CPLANE1: variants seen among roughly 807,000 people sequenced by gnomAD.
The protein encoded by CPLANE1 is ciliogenesis and planar polarity effector complex subunit 1.
CPLANE1 carries 263 observed loss-of-function variants against 362.5 expected under a neutral mutation model. The observed-to-expected ratio is 0.73, with a 90% CI of 0.66 to 0.80. CPLANE1 has a LOEUF of 0.80. Among genes scored for constraint, CPLANE1 ranks in the 30% least tolerant of loss-of-function variants. CPLANE1 has a pLI of 0.00. For synonymous variants in CPLANE1, 1,212 were observed against 1,302.6 expected, an observed-to-expected ratio of 0.93 and a Z score of 1.50; for missense variants, 3,461 against 3,793.4, an observed-to-expected ratio of 0.91 and a Z score of 2.30.
chr5:37,210,443 C>T (rs1333328533), intron 16 of CPLANE1: 2 of 1,041,666 alleles, frequency 1.9e-6, no homozygotes, highest in Non-Finnish European at 3.0e-6. Context: ...TAAAGGACGA[C>T]TACATCATTA....
chr5:37,107,939 C>T (rs1245496101), intron 52 of CPLANE1, among the ~76,000 whole-genome samples, 161 bp from the exon 53 acceptor site: 1 of 152,180 alleles, frequency 6.6e-6, no homozygotes, highest in Admixed American at 6.5e-5. Context: ...GCTGTGATTG[C>T]CCAGCACATC....
rs2151097309 is a variant in CPLANE1 at position 37,179,996 on chromosome 5, AG to A, written c.5737+20del. 6 of 1,501,300 alleles carry A rather than the reference AG, an allele frequency of 4.0e-6. No individual in the cohort carries two copies. The highest frequency in any genetic ancestry group is 5.3e-6 in the Non-Finnish European group (6 of 1,125,256). The allele number at this position is 1,501,300 out of a possible 1,614,324, so 93.0% of individuals were successfully genotyped here. Reference sequence around the variant, plus strand: ...TTCAAATTAATAAAGCCAAAAAAATAGATTATCTAAATGAACTGACCTTCAT... The same window carrying A: ...TTCAAATTAATAAAGCCAAAAAAATAATTATCTAAATGAACTGACCTTCAT... On this transcript the variant is annotated intron_variant, in intron 28 of 52. Coordinates refer to ENST00000651892, the MANE Select transcript of CPLANE1 (RefSeq NM_001384732.1).
Position 37,138,813 on chromosome 5 carries a change from G to A in CPLANE1, c.8699C>T (p.Thr2900Ile), listed in dbSNP as rs1025710972. ...SVHPLQMTGL[T>I]DIADIIDDLI... The stretch of plus-strand genomic sequence containing the variant: ...GTCATCAATAATGTCTGCAATATCA[G>A]TCAATCCAGTCATCTGGAGCGGATG... Residue 2900 changes from threonine (T) to isoleucine (I), a missense_variant, in exon 46 of 53, where the codon ACT becomes ATT. Thr to Ile is a moderately conservative substitution (Grantham distance 89, BLOSUM62 -1). Transcript: ENST00000651892. 2.5e-6 allele frequency: 4 copies of A among 1,611,460 alleles called. No individual in the cohort carries two copies. The highest frequency in any genetic ancestry group is 3.4e-6 in the Non-Finnish European group (4 of 1,179,186).
intron 51 of CPLANE1, 85 bp from the exon 52 acceptor site, chr5:37,108,556 A>C: frequency 8.0e-7 from 1 of 1,245,900 alleles, no homozygotes; most frequent in South Asian, 1.4e-5. Context: ...TTTATCATCA[A>C]AGCCAAGGTA....
Position 37,227,061 on chromosome 5 carries a change from CT to C in CPLANE1, c.1533del (p.Glu512LysfsTer28). The C allele has an allele frequency of 1.3e-6, 2 of 1,543,594 alleles. No homozygotes were observed. The highest frequency in any genetic ancestry group is 1.7e-6 in the Non-Finnish European group (2 of 1,143,744). ...AAGTGTCTGCCTTCGTTAGTTTCTT[CT>C]GCTTCAAAATCCTAAAACATGAGGG... is the stretch of plus-strand genomic sequence containing the variant. The part of the protein sequence containing the change: ...ENAADFQDFE[A>X]EETNEGRHFP... On this transcript the variant is annotated frameshift_variant, in exon 12 of 53. Transcript: ENST00000651892.
At position 37,157,743 on chromosome 5, in the gene CPLANE1, T is replaced by A. The variant is rs1236256359; in HGVS notation, c.7938A>T (p.Pro2646=). The A allele has an allele frequency of 9.3e-6, 15 of 1,613,750 alleles. No homozygotes were observed. Among genetic ancestry groups the A allele is most frequent in the Admixed American group, 1.7e-5 (1 of 59,976 alleles). Residue 2646 remains proline (P), a synonymous_variant, in exon 40 of 53, where the codon CCA becomes CCT. Coordinates refer to ENST00000651892, the MANE Select transcript of CPLANE1 (RefSeq NM_001384732.1). ...CCATATAATGTAACTCTGCAGACGA[T>A]GGAACTGCTAGATGATCGCTTTGCT... ...IKQQSDHLAV[P]SSAELHYMAA...
chr5:37,165,792 T>C, intron 35 of CPLANE1, 121 bp from the exon 36 acceptor site: 1 of 875,544 alleles, frequency 1.1e-6, no homozygotes, highest in South Asian at 1.8e-5. Flanking sequence ...TTCAATAGCA[T>C]TTAATTAAAT....
rs565577354 is a variant in CPLANE1 at position 37,211,339 on chromosome 5, A to C, written c.2920+2220T>G. ...AGTTACCATCGGAGAGACATTAAAA[A>C]CTCTGCCAAAGGCCCACTACCAGCA... On this transcript the variant is annotated intron_variant, in intron 16 of 52. Coordinates refer to ENST00000651892, the MANE Select transcript of CPLANE1 (RefSeq NM_001384732.1). 2.9e-4 allele frequency: 432 copies of C among 1,505,936 alleles called. 3 individuals carry two copies. The African/African-American group carries it at 5.4e-3, about 19-fold the overall frequency. The allele number at this position is 1,505,936 out of a possible 1,614,324, so 93.3% of individuals were successfully genotyped here.
Position 37,168,811 on chromosome 5 carries a change from G to A in CPLANE1, c.7213C>T (p.His2405Tyr), listed in dbSNP as rs769932850. 1 of 1,613,034 alleles carries A rather than the reference G, an allele frequency of 6.2e-7. No homozygotes were observed. The highest frequency in any genetic ancestry group is 8.5e-7 in the Non-Finnish European group (1 of 1,179,424). ...KYPRLSLLHS[H>Y]LSPENRCKKT... Reference sequence around the variant, plus strand: ...ATTACCCTATTTTCTGGGGACAAATGTGAATGAAGTAATGACAATCTTGGG... The same window carrying A: ...ATTACCCTATTTTCTGGGGACAAATATGAATGAAGTAATGACAATCTTGGG... The change falls in exon 34 of 53, where the codon CAT becomes TAT. Residue 2405 changes from histidine (H) to tyrosine (Y), a missense_variant. Physicochemically the swap from His to Tyr is moderately conservative, Grantham distance 83. Around this residue, in one of 2 missense-constraint regions of CPLANE1, gnomAD observed 3,380 missense variants for 3,666.1 expected, o/e 0.92. Transcript: ENST00000651892.
intron 14 of CPLANE1, among the ~76,000 whole-genome samples, chr5:37,223,488 A>C (rs951384985): frequency 6.6e-6 from 1 of 152,256 alleles, no homozygotes; most frequent in African/African-American, 2.4e-5. Context: ...AAGTAAATGA[A>C]TTAATGAAAT....
rs763974450 is a variant in CPLANE1 at position 37,170,257 on chromosome 5, T to G, written c.6246A>C (p.Gln2082His). ...GCACAGACTGAGACTGCTGTACAAG[T>G]TGTTGTGTATCTGGGAGATTAGCAA... The part of the protein sequence containing the change: ...SSFANLPDTQ[Q>H]LVQQSQSVHL... The change falls in exon 33 of 53, where the codon CAA (glutamine) becomes CAC (histidine). Residue 2082 changes from glutamine to histidine, a missense_variant. This residue lies in a region of CPLANE1 where 3,380 missense variants were observed against 3,666.1 expected (regional missense o/e 0.92). Coordinates refer to ENST00000651892, the MANE Select transcript of CPLANE1 (RefSeq NM_001384732.1). The G allele has an allele frequency of 3.1e-6, 5 of 1,614,016 alleles. No individual in the cohort carries two copies. The African/African-American group carries it at 6.7e-5, about 22-fold the overall frequency.
At position 37,245,725 on chromosome 5, in the gene CPLANE1, T is replaced by A. The variant is rs1002297986; in HGVS notation, c.202A>T (p.Thr68Ser). The A allele has an allele frequency of 1.3e-6, 2 of 1,524,142 alleles. No individual in the cohort carries two copies. The highest frequency in any genetic ancestry group is 1.8e-6 in the Non-Finnish European group (2 of 1,138,084). The allele number at this position is 1,524,142 out of a possible 1,614,324, so 94.4% of individuals were successfully genotyped here. Reference protein sequence around the residue: ...QPFLKDVIVLTTSSNDAWLAG... With the variant: ...QPFLKDVIVLSTSSNDAWLAG... ...ACTACTTAACCATTACTGGATGTTG[T>A]TAGGACAATAACATCCTTCAAGAAA... The change falls in exon 3 of 53, where the codon ACA becomes TCA. Residue 68 changes from threonine to serine, a missense_variant. Transcript: ENST00000651892.
intron 46 of CPLANE1, among the ~76,000 whole-genome samples, chr5:37,131,506 C>T (rs1765774348): frequency 6.6e-6 from 1 of 151,580 alleles, no homozygotes; most frequent in Admixed American, 6.6e-5. Context: ...AGAGCAGAAA[C>T]TGTATTTAAT....
At chr5:37,245,409 GA>G in intron 4 of CPLANE1, 69 bp downstream of exon 4, 1 of 1,254,668 alleles carries the variant, frequency 8.0e-7, no homozygotes, top group Non-Finnish European at 1.0e-6. Context: ...GACAGTAACA[GA>G]AAAATGTTTC....
intron 46 of CPLANE1, among the ~76,000 whole-genome samples, chr5:37,134,071 T>C (rs1178550952): frequency 1.3e-5 from 2 of 152,264 alleles, no homozygotes; most frequent in Non-Finnish European, 1.5e-5. Context: ...TTTACTTCTA[T>C]ATTCATCAGG....
intron 46 of CPLANE1, among the ~76,000 whole-genome samples, chr5:37,138,363 T>C (rs1768467476): frequency 6.6e-6 from 1 of 152,216 alleles, no homozygotes; most frequent in South Asian, 2.1e-4. Flanking sequence ...CAGCCCCTGA[T>C]CCTTTTTGTT....
At chr5:37,138,592 A>G (rs1768579943) in intron 46 of CPLANE1, 128 bp downstream of exon 46, 2 of 1,035,506 alleles carry the variant, frequency 1.9e-6, no homozygotes, top group Admixed American at 2.1e-5. Context: ...ATAACAAAAC[A>G]TGAAAAAAAA....
chr5:37,084,145 A>G, the CPLANE1 span, among the ~76,000 whole-genome samples: 1 of 152,236 alleles, frequency 6.6e-6, no homozygotes, highest in Non-Finnish European at 1.5e-5. Flanking sequence ...AAACAAAACA[A>G]TTAGCAGCCA....
chr5:37,105,164 G>A (rs1048144323), downstream of CPLANE1, among the ~76,000 whole-genome samples: 13 of 152,088 alleles, frequency 8.5e-5, no homozygotes, highest in Admixed American at 5.9e-4. Context: ...GCCAGGCATG[G>A]TGGTGCGCAC....
Sources: allele counts gnomAD v4.1 joint callset (sites outside exome capture counted in the v4.1 genomes callset), GRCh38; gene constraint gnomAD v4.1.1; regional missense constraint gnomAD v4.1.1; transcripts MANE v1.5; gene names NCBI Gene and HGNC (gene_info 2026-07-23, HGNC 2026-07-21).